CCDC102B: variants seen among roughly 807,000 people sequenced by gnomAD.
CCDC102B encodes coiled-coil domain-containing protein 102B.
Under a neutral mutation model 57.4 loss-of-function variants are expected in CCDC102B, and 75 were observed. The observed-to-expected ratio is 1.31, with a 90% CI of 1.08 to 1.58. The LOEUF (loss-of-function observed/expected upper bound fraction) is 1.58, where lower values mean the gene tolerates loss of function less well. Ranked by LOEUF, CCDC102B falls within the 40% of genes most tolerant of loss-of-function variation. The pLI, the probability that CCDC102B is intolerant of heterozygous loss-of-function variation, is 0.00. For missense variants in CCDC102B, 636 were observed against 582.6 expected (o/e 1.09, Z -0.94); for synonymous variants, 206 against 201.9 (o/e 1.02, Z -0.17).
At chr18:68,964,380 T>C (rs1645029577) in intron 6 of CCDC102B, among the ~76,000 whole-genome samples, 1 of 148,888 alleles carries the variant, frequency 6.7e-6, no homozygotes. Context: ...CTGAGATGAA[T>C]AATAACATCT....
intron 6 of CCDC102B, among the ~76,000 whole-genome samples, chr18:68,942,929 C>A (rs1285778129): frequency 1.0e-5 from 1 of 95,600 alleles, no homozygotes; most frequent in Non-Finnish European, 2.7e-5. Flanking sequence ...AGGCAGAGGT[C>A]CCTGCGGCCT....
rs772028652 is a variant in CCDC102B, at chr18:69,054,154, G to A, written c.*17G>A. 1 of 1,582,434 alleles carries A rather than the reference G, an allele frequency of 6.3e-7. No individual in the cohort carries two copies. The highest frequency in any genetic ancestry group is 8.6e-7 in the Non-Finnish European group (1 of 1,168,918). ...AACTGGTAATTTTTTCACAAAATAT[G>A]CTGAATTAAAGATTAGGGCCTTAAA... On this transcript the variant is annotated 3_prime_UTR_variant, in exon 8 of 8. Transcript: ENST00000360242.
intron 2 of CCDC102B, among the ~76,000 whole-genome samples, chr18:68,772,557 C>G (rs1367198160): frequency 6.6e-6 from 1 of 152,122 alleles, no homozygotes; most frequent in African/African-American, 2.4e-5. Context: ...AATCTGGACT[C>G]TTAAGAAACG....
At chr18:68,897,464 A>G (rs771712701) in intron 6 of CCDC102B, 36 bp downstream of exon 6, 42 of 1,599,402 alleles carry the variant, frequency 2.6e-5, no homozygotes, top group Middle Eastern at 1.7e-4. Flanking sequence ...CTCACTGTCT[A>G]ATCTCACTCT....
chr18:68,838,522 GA>G (rs1461006931), intron 2 of CCDC102B, 183 bp from the exon 3 acceptor site: 1 of 984,886 alleles, frequency 1.0e-6, no homozygotes, highest in Non-Finnish European at 1.2e-6. Flanking sequence ...GTAGAACATA[GA>G]AAAAAACAAG....
chr18:68,954,380 A>T (rs1404800479), intron 6 of CCDC102B, among the ~76,000 whole-genome samples: 1 of 152,234 alleles, frequency 6.6e-6, no homozygotes, highest in African/African-American at 2.4e-5. Flanking sequence ...AGATCATGCC[A>T]CTGCGCTCCA....
chr18:68,759,322 A>T (rs1055101785), intron 2 of CCDC102B, among the ~76,000 whole-genome samples: 1 of 152,130 alleles, frequency 6.6e-6, no homozygotes, highest in Non-Finnish European at 1.5e-5. Context: ...TTTTATAGGA[A>T]CTTAAAGAAA....
At chr18:68,987,002 G>A (rs904224876) in intron 6 of CCDC102B, among the ~76,000 whole-genome samples, 7 of 152,064 alleles carry the variant, frequency 4.6e-5, no homozygotes, top group Middle Eastern at 3.2e-3. Flanking sequence ...ACTGCACAAA[G>A]CAATTTACAG....
At chr18:68,973,294 C>A (rs551649216) in intron 6 of CCDC102B, among the ~76,000 whole-genome samples, 192 of 152,072 alleles carry the variant, frequency 1.3e-3, no homozygotes, top group African/African-American at 4.4e-3. Context: ...TATAAAAAAA[C>A]CCCAGAAGAT....
chr18:69,002,654 C>T (rs928917204), intron 6 of CCDC102B, among the ~76,000 whole-genome samples: 4 of 152,162 alleles, frequency 2.6e-5, no homozygotes, highest in African/African-American at 4.8e-5. Flanking sequence ...AATATCGTAA[C>T]TGAATCAACT....
rs1298501014 is a variant in CCDC102B, at chr18:68,956,370, TAA to T, written c.1264-54561_1264-54560del. Reference sequence around the variant, plus strand: ...TATATTAATATATATAATATATATATAAAATGTATAATATATAATATATATAT... The same window carrying T: ...TATATTAATATATATAATATATATATAATGTATAATATATAATATATATAT... On this transcript the variant is annotated intron_variant, in intron 6 of 7. Coordinates refer to ENST00000360242, the MANE Select transcript of CCDC102B (RefSeq NM_024781.3). 5.7e-4 allele frequency among the ~76,000 whole-genome samples: 29 copies of T among 51,178 alleles called. 1 individual carries two copies. The East Asian group carries it at 0.011, about 20-fold the overall frequency. 33.6% of individuals were successfully genotyped at this position (51,178 alleles called of 152,430 possible). A position where few individuals can be genotyped will look rare whatever the true frequency, so the allele number is the denominator to read the frequency against.
chr18:68,996,470 A>T (rs2051031497), intron 6 of CCDC102B, among the ~76,000 whole-genome samples: 1 of 152,092 alleles, frequency 6.6e-6, no homozygotes, highest in East Asian at 1.9e-4. Flanking sequence ...TTACCTTGTG[A>T]TCATGTGAGT....
intron 6 of CCDC102B, among the ~76,000 whole-genome samples, chr18:68,910,996 A>G (rs1386682446): frequency 1.3e-5 from 2 of 152,190 alleles, no homozygotes; most frequent in Non-Finnish European, 2.9e-5. Flanking sequence ...GGGAGTGTAA[A>G]TGAGTTCAAC....
intron 7 of CCDC102B, among the ~76,000 whole-genome samples, chr18:69,022,697 T>C (rs1291275065): frequency 6.6e-6 from 1 of 152,164 alleles, no homozygotes; most frequent in Non-Finnish European, 1.5e-5. Context: ...CCCACTCCCA[T>C]GACCTTCTGT....
chr18:69,051,721 TATACA>T (rs2052709557), intron 7 of CCDC102B, among the ~76,000 whole-genome samples: 1 of 152,000 alleles, frequency 6.6e-6, no homozygotes, highest in Admixed American at 6.6e-5. Flanking sequence ...AAAGAAACTT[TATACA>T]TCATATATAC....
intron 1 of CCDC102B, among the ~76,000 whole-genome samples, chr18:68,808,558 A>G (rs1182073395): frequency 2.0e-5 from 3 of 148,164 alleles, no homozygotes; most frequent in Non-Finnish European, 4.4e-5. Flanking sequence ...GCTCACTGCA[A>G]GCTCTGCCTC....
intron 6 of CCDC102B, among the ~76,000 whole-genome samples, chr18:68,967,681 G>A (rs559774999): frequency 7.2e-5 from 11 of 152,066 alleles, no homozygotes; most frequent in African/African-American, 2.2e-4. Flanking sequence ...GTTATGAAAC[G>A]TTTATGTATA....
At chr18:68,756,414 ACT>A (rs1433801667) in intron 2 of CCDC102B, among the ~76,000 whole-genome samples, 2 of 152,128 alleles carry the variant, frequency 1.3e-5, no homozygotes, top group Admixed American at 6.6e-5. Flanking sequence ...AGATTCAATA[ACT>A]CTGTAAGAGA....
chr18:68,919,990 A>T (rs1274629213), intron 6 of CCDC102B, among the ~76,000 whole-genome samples: 3 of 152,092 alleles, frequency 2.0e-5, no homozygotes, highest in Non-Finnish European at 2.9e-5. Context: ...TTTTATTTTA[A>T]GTTCAAGGGT....
Sources: gnomAD v4.1 joint callset for allele counts (sites outside exome capture counted in the v4.1 genomes callset) on GRCh38, gnomAD v4.1.1 for gene constraint, MANE v1.5 for transcripts, NCBI Gene and HGNC (gene_info 2026-07-23, HGNC 2026-07-21) for gene names.